NFIA: variants seen among roughly 807,000 people sequenced by gnomAD.
The protein encoded by NFIA is nuclear factor I A, also known as nuclear factor 1 A-type.
In NFIA, 8 loss-of-function variants were observed where a neutral mutation model predicts 62.8. The observed-to-expected ratio is 0.13, with a 90% CI of 0.07 to 0.23. NFIA has a LOEUF of 0.23. Among genes scored for constraint, NFIA ranks in the 10% least tolerant of loss-of-function variants. The probability of loss-of-function intolerance (pLI) is 1.00; values close to 1 mark genes in which losing one functional copy is unlikely to be tolerated. For missense variants in NFIA, 410 were observed against 642.1 expected (o/e 0.64, Z 3.91); for synonymous variants, 235 against 238.1 (o/e 0.99, Z 0.12).
At chr1:61,118,883 G>A (rs997355699) in intron 2 of NFIA, among the ~76,000 whole-genome samples, 1 of 152,100 alleles carries the variant, frequency 6.6e-6, no homozygotes, top group East Asian at 1.9e-4. Flanking sequence ...TAGCAGCAGA[G>A]GGCAAGTGTG....
At chr1:61,304,709 T>A (rs796656126) in intron 3 of NFIA, among the ~76,000 whole-genome samples, 1 of 152,000 alleles carries the variant, frequency 6.6e-6, no homozygotes, top group African/African-American at 2.4e-5. Flanking sequence ...GTTCCCCTGG[T>A]CCCCCAAAAT....
chr1:61,309,433 T>G (rs2100345553), intron 3 of NFIA, among the ~76,000 whole-genome samples: 1 of 151,604 alleles, frequency 6.6e-6, no homozygotes, highest in East Asian at 1.9e-4. Flanking sequence ...ATATTTTATC[T>G]CCCTTCCTCC....
Position 61,358,021 on chromosome 1 carries a change from A to G in NFIA, c.819-1126A>G, listed in dbSNP as rs75284695. Reference sequence around the variant, plus strand: ...ACTGGGGAGAATATTCAGTCCTTCAACTGGAAAAAATGAGATATATTCTGA... The same window carrying G: ...ACTGGGGAGAATATTCAGTCCTTCAGCTGGAAAAAATGAGATATATTCTGA... On this transcript the variant is annotated intron_variant, in intron 5 of 10. Transcript: ENST00000403491. 2.7e-3 allele frequency among the ~76,000 whole-genome samples: 397 copies of G among 148,076 alleles called. 3 individuals carry two copies. The highest frequency in any genetic ancestry group is 1.0e-2 in the African/African-American group (380 of 38,190).
intron 2 of NFIA, among the ~76,000 whole-genome samples, chr1:61,102,920 T>C (rs1025377490): frequency 2.0e-5 from 3 of 152,164 alleles, no homozygotes; most frequent in Admixed American, 6.5e-5. Flanking sequence ...AGTTAAAGTC[T>C]GAGAGGGTGT....
chr1:61,360,377 C>T (rs1482794989), intron 6 of NFIA, among the ~76,000 whole-genome samples: 1 of 152,222 alleles, frequency 6.6e-6, no homozygotes, highest in African/African-American at 2.4e-5. Flanking sequence ...CTGGCTTCAA[C>T]TCCTGCTGGC....
chr1:61,345,287 G>A (rs753846995), intron 4 of NFIA, among the ~76,000 whole-genome samples: 4 of 152,166 alleles, frequency 2.6e-5, no homozygotes, highest in African/African-American at 4.8e-5. Flanking sequence ...ATTTGGTATT[G>A]TTTAAAGTTT....
rs747780296 is a variant in NFIA, at chr1:61,104,575, T to TA, written c.559+15897dup. ...AAGGGAAACAGAACCCAACTGAAGA[T>TA]AAGAGTTTCTTCCCCCCAACACATA... On this transcript the variant is annotated intron_variant, in intron 2 of 10. Coordinates refer to ENST00000403491, the MANE Select transcript of NFIA (RefSeq NM_001134673.4). 3.9e-4 allele frequency among the ~76,000 whole-genome samples: 60 copies of TA among 152,118 alleles called. 1 individual carries two copies. Among genetic ancestry groups the TA allele is most frequent in the South Asian group, 2.1e-3 (10 of 4,826 alleles).
At chr1:61,097,536 T>G (rs1646437214) in intron 2 of NFIA, among the ~76,000 whole-genome samples, 1 of 152,170 alleles carries the variant, frequency 6.6e-6, no homozygotes. Context: ...GGAAGATATA[T>G]CTGTGGTGAG....
chr1:61,322,197 T>C (rs1293049728), intron 3 of NFIA, among the ~76,000 whole-genome samples: 2 of 152,218 alleles, frequency 1.3e-5, no homozygotes, highest in Non-Finnish European at 2.9e-5. Context: ...AAAATATGTT[T>C]GTAGACTGGA....
chr1:61,445,679 T>C (rs10489906), intron 10 of NFIA, among the ~76,000 whole-genome samples: 11,835 of 152,268 alleles, frequency 0.078, 1,230 homozygotes, highest in African/African-American at 0.23. Flanking sequence ...GGAAATTGTT[T>C]GGTATTTATC....
At chr1:61,082,062 G>C (rs1171161792), upstream of NFIA, 49 of 1,544,878 alleles carry the variant, frequency 3.2e-5, no homozygotes, top group Non-Finnish European at 4.0e-5. Context: ...GCGGAGGTCT[G>C]CAGCGGGGGT....
intron 3 of NFIA, among the ~76,000 whole-genome samples, chr1:61,289,862 A>G (rs1169358082): frequency 2.0e-5 from 3 of 152,124 alleles, no homozygotes; most frequent in African/African-American, 4.8e-5. Flanking sequence ...TGTGTGGATT[A>G]TATGTCTGGA....
rs368025238 is a variant in NFIA at position 61,165,339 on chromosome 1, TAACTC to T, written c.559+76661_559+76665del. ...CTCTTTTTATTAATATCTGTATACT[TAACTC>T]AGACACTGGGAAATTCTTGCAAAAT... On this transcript the variant is annotated intron_variant, in intron 2 of 10. Transcript: ENST00000403491. 9.8e-3 allele frequency among the ~76,000 whole-genome samples: 1,488 copies of T among 152,326 alleles called. 24 individuals are homozygous for T. The highest frequency in any genetic ancestry group is 0.033 in the African/African-American group (1,379 of 41,568).
chr1:61,320,401 C>T (rs959658589), intron 3 of NFIA, among the ~76,000 whole-genome samples: 3 of 152,126 alleles, frequency 2.0e-5, no homozygotes, highest in Non-Finnish European at 4.4e-5. Context: ...TAACTAATTA[C>T]TGGGTAAATG....
At chr1:61,398,932 C>G (rs1375253555) in intron 7 of NFIA, among the ~76,000 whole-genome samples, 2 of 152,154 alleles carry the variant, frequency 1.3e-5, no homozygotes, top group African/African-American at 4.8e-5. Context: ...TAGTTGACAA[C>G]CCAAGCCATT....
chr1:61,333,787 C>T (rs1315491926), intron 4 of NFIA, among the ~76,000 whole-genome samples: 1 of 152,122 alleles, frequency 6.6e-6, no homozygotes, highest in African/African-American at 2.4e-5. Context: ...CACTTGAGGT[C>T]AGGAGTTTGA....
At chr1:61,273,144 T>C (rs915423392) in intron 2 of NFIA, among the ~76,000 whole-genome samples, 1 of 152,214 alleles carries the variant, frequency 6.6e-6, no homozygotes, top group African/African-American at 2.4e-5. Flanking sequence ...TTTTCCTTTA[T>C]CAAGAAATTC....
In NFIA at chr1:61,313,415, G is replaced by C. The variant is rs200059769; in HGVS notation, c.626-19097G>C. On this transcript the variant is annotated intron_variant, in intron 3 of 10. Coordinates refer to ENST00000403491, the MANE Select transcript of NFIA (RefSeq NM_001134673.4). ...GGTCACATGGCAGGAGCGGGAGCAA[G>C]AAAGAGAAGGGGTTGGGGAGGTGAC... Among the ~76,000 whole-genome samples the C allele has an allele frequency of 2.6e-5, 4 of 152,266 alleles. No homozygotes were observed. In the East Asian group the frequency reaches 7.7e-4, roughly 29 times the overall value.
intron 2 of NFIA, among the ~76,000 whole-genome samples, chr1:61,161,373 A>G (rs1369137576): frequency 6.6e-6 from 1 of 152,222 alleles, no homozygotes; most frequent in African/African-American, 2.4e-5. Flanking sequence ...GATGAGGTCT[A>G]ACAACTTCTG....
Sources: allele counts gnomAD v4.1 joint callset (sites outside exome capture counted in the v4.1 genomes callset), GRCh38; gene constraint gnomAD v4.1.1; transcripts MANE v1.5; gene names NCBI Gene and HGNC (gene_info 2026-07-23, HGNC 2026-07-21).